Variants in KATNAL2 observed in about 807,000 individuals in gnomAD.
KATNAL2 encodes the protein katanin catalytic subunit A1 like 2.
A neutral mutation model predicts 76.3 loss-of-function variants in KATNAL2; 52 were observed. The ratio of observed to expected loss-of-function variants is 0.68; its 90% CI spans 0.55 to 0.86. The LOEUF (loss-of-function observed/expected upper bound fraction) is 0.86, where lower values mean the gene tolerates loss of function less well. Among genes scored for constraint, KATNAL2 ranks in the 40% least tolerant of loss-of-function variants. The probability of loss-of-function intolerance (pLI) is 0.00; values close to 1 mark genes in which losing one functional copy is unlikely to be tolerated. For synonymous variants in KATNAL2, 243 were observed against 244.2 expected (o/e 1.00, Z 0.05); for missense variants, 660 against 668.9 (o/e 0.99, Z 0.15).
intron 3 of KATNAL2, chr18:47,035,358 G>T: frequency 6.3e-7 from 1 of 1,584,570 alleles, no homozygotes; most frequent in Non-Finnish European, 8.6e-7. Context: ...GGTCCTCGCT[G>T]CCCGGTCGCC....
At chr18:46,961,799 T>A (rs1569027505) in intron 3 of KATNAL2, among the ~76,000 whole-genome samples, 1 of 152,186 alleles carries the variant, frequency 6.6e-6, no homozygotes, top group Non-Finnish European at 1.5e-5. Flanking sequence ...ATGGCATTTT[T>A]GATTTGGGCT....
At chr18:47,087,307 A>C (rs2062816697) in intron 15 of KATNAL2, among the ~76,000 whole-genome samples, 1 of 152,234 alleles carries the variant, frequency 6.6e-6, no homozygotes, top group South Asian at 2.1e-4. Flanking sequence ...CTAAACGCCC[A>C]TCAGTGATAG....
At chr18:47,065,630 AGAGT>A (rs975320350) in intron 10 of KATNAL2, among the ~76,000 whole-genome samples, 10 of 152,062 alleles carry the variant, frequency 6.6e-5, no homozygotes, top group African/African-American at 2.2e-4. Flanking sequence ...CCTGGGTGAC[AGAGT>A]GAGACTCCAT....
intron 4 of KATNAL2, among the ~76,000 whole-genome samples, chr18:47,049,113 G>A (rs902018472): frequency 6.6e-6 from 1 of 151,958 alleles, no homozygotes; most frequent in Non-Finnish European, 1.5e-5. Context: ...GTGAGCCACC[G>A]CGCCCAGCCC....
At chr18:46,960,378 C>T (rs1355502021) in intron 3 of KATNAL2, among the ~76,000 whole-genome samples, 3 of 150,642 alleles carry the variant, frequency 2.0e-5, no homozygotes, top group East Asian at 3.9e-4. Context: ...TATAGTGAAC[C>T]GAGATTGCTC....
At chr18:47,031,399 C>CT (rs1367310177) in intron 3 of KATNAL2, among the ~76,000 whole-genome samples, 1 of 150,466 alleles carries the variant, frequency 6.6e-6, no homozygotes, top group Non-Finnish European at 1.5e-5. Context: ...TCTCGTGTGA[C>CT]TTTTTTTGTG....
chr18:46,951,477 T>A (rs2059553579), intron 3 of KATNAL2, among the ~76,000 whole-genome samples: 1 of 151,076 alleles, frequency 6.6e-6, no homozygotes, highest in African/African-American at 2.4e-5. Flanking sequence ...CTGTGTCAAC[T>A]CATTGCTCTT....
At chr18:46,938,591 C>A (rs1006762489) in intron 1 of KATNAL2, among the ~76,000 whole-genome samples, 2 of 152,170 alleles carry the variant, frequency 1.3e-5, no homozygotes, top group Non-Finnish European at 2.9e-5. Flanking sequence ...GCTACTGCCA[C>A]CATTTGACCT....
chr18:47,034,674 G>A (rs747638809), intron 3 of KATNAL2: 1 of 1,613,580 alleles, frequency 6.2e-7, no homozygotes, highest in East Asian at 2.2e-5. Flanking sequence ...CCGCGTGAGT[G>A]TGGCCTCTTC....
chr18:46,944,006 C>T (rs951141455), intron 1 of KATNAL2, among the ~76,000 whole-genome samples: 2 of 152,102 alleles, frequency 1.3e-5, no homozygotes, highest in South Asian at 2.1e-4. Context: ...GTCTTATTTG[C>T]GAAAACTATT....
intron 1 of KATNAL2, among the ~76,000 whole-genome samples, chr18:46,919,058 CAT>C (rs1342206267): frequency 6.6e-6 from 1 of 151,246 alleles, no homozygotes; most frequent in East Asian, 1.9e-4. Context: ...AACACACACA[CAT>C]ATTGTTTTGG....
chr18:46,922,290 G>A (rs1473329844), intron 1 of KATNAL2, among the ~76,000 whole-genome samples: 2 of 151,636 alleles, frequency 1.3e-5, no homozygotes, highest in African/African-American at 4.8e-5. Flanking sequence ...TAGAGACAGG[G>A]TTTCACCATG....
chr18:46,930,410 G>C (rs1019370968), intron 1 of KATNAL2, among the ~76,000 whole-genome samples: 4 of 152,090 alleles, frequency 2.6e-5, no homozygotes, highest in African/African-American at 9.7e-5. Flanking sequence ...CTAGATTCCA[G>C]AACAGAACCT....
rs766645365 is a variant in KATNAL2 at position 47,069,552 on chromosome 18, A to C, written c.960A>C (p.Ala320=). 2 of 1,614,072 alleles carry C rather than the reference A, an allele frequency of 1.2e-6. No individual in the cohort carries two copies. Among genetic ancestry groups the C allele is most frequent in the Admixed American group, 3.3e-5 (2 of 59,992 alleles). ...ECKTTFFNIS[A]STIVSKWRGD... ...AAACAACCTTCTTTAACATTTCTGC[A>C]TCCACCATTGTCAGCAAATGGAGAG... Residue 320 remains alanine (A), a synonymous_variant, in exon 13 of 18, where the codon GCA becomes GCC. Transcript: ENST00000683218.
intron 1 of KATNAL2, among the ~76,000 whole-genome samples, chr18:46,937,157 A>G (rs1419295015): frequency 6.6e-6 from 1 of 152,144 alleles, no homozygotes; most frequent in Non-Finnish European, 1.5e-5. Context: ...TGAACTCTTG[A>G]TATGGTCTGA....
chr18:46,959,668 G>T (rs1414710326), intron 3 of KATNAL2, among the ~76,000 whole-genome samples: 4 of 152,140 alleles, frequency 2.6e-5, no homozygotes, highest in Non-Finnish European at 4.4e-5. Context: ...CCGCCTCCCA[G>T]GTTCAAGTTT....
chr18:46,950,257 C>G (rs2059510127), intron 3 of KATNAL2, among the ~76,000 whole-genome samples: 1 of 152,154 alleles, frequency 6.6e-6, no homozygotes, highest in African/African-American at 2.4e-5. Flanking sequence ...CTAGATGGCG[C>G]TAAGAGCAAT....
chr18:47,039,583 T>C (rs1171354687), intron 3 of KATNAL2, among the ~76,000 whole-genome samples: 2 of 152,206 alleles, frequency 1.3e-5, no homozygotes, highest in Non-Finnish European at 1.5e-5. Flanking sequence ...ATTTCTATAA[T>C]ATAGTGTAAT....
chr18:46,956,065 T>A (rs914977636), intron 3 of KATNAL2, among the ~76,000 whole-genome samples: 1 of 152,196 alleles, frequency 6.6e-6, no homozygotes, highest in South Asian at 2.1e-4. Context: ...AAAATATTTT[T>A]AAAATTGATT....
Sources: gnomAD v4.1 joint callset for allele counts (sites outside exome capture counted in the v4.1 genomes callset) on GRCh38, gnomAD v4.1.1 for gene constraint, MANE v1.5 for transcripts, NCBI Gene and HGNC (gene_info 2026-07-23, HGNC 2026-07-21) for gene names.